The following INSL6 variants were observed in gnomAD, a reference collection of about 807,000 sequenced individuals.
The protein encoded by INSL6 is insulin like 6.
A neutral mutation model predicts 9.4 loss-of-function variants in INSL6; 16 were observed. The observed-to-expected ratio is 1.70, with a 90% CI of 1.15 to 2.59. The LOEUF (loss-of-function observed/expected upper bound fraction) is 2.59, where lower values mean the gene tolerates loss of function less well. INSL6 is among the 30% of genes most tolerant of loss of function. The pLI is 0.00. For missense variants in INSL6, 391 were observed against 257.3 expected (o/e 1.52, Z -3.56); for synonymous variants, 154 against 96.9 (o/e 1.59, Z -3.46).
the INSL6 span, among the ~76,000 whole-genome samples, chr9:5,013,282 C>A: frequency 6.6e-6 from 1 of 152,030 alleles, no homozygotes; most frequent in African/African-American, 2.4e-5. Flanking sequence ...TTCACCTCAC[C>A]ATATTTAGGT....
intron 2 of INSL6, among the ~76,000 whole-genome samples, chr9:5,144,166 G>A (rs1824554578): frequency 6.6e-6 from 1 of 152,102 alleles, no homozygotes; most frequent in Non-Finnish European, 1.5e-5. Flanking sequence ...TTTTAATACT[G>A]CCTTAGCTGT....
At chr9:5,082,106 G>T in the INSL6 span, among the ~76,000 whole-genome samples, 92,378 of 151,838 alleles carry the variant, frequency 0.61, 30,358 homozygotes, top group African/African-American at 0.88. Flanking sequence ...AGAAAAGAAA[G>T]AAGACACAGA....
the INSL6 span, among the ~76,000 whole-genome samples, chr9:5,021,058 T>C: frequency 6.6e-6 from 1 of 152,126 alleles, no homozygotes; most frequent in African/African-American, 2.4e-5. Context: ...GTGTCTGGGA[T>C]TGCAGGAGTT....
the INSL6 span, among the ~76,000 whole-genome samples, chr9:5,088,485 A>G: frequency 6.6e-6 from 1 of 152,200 alleles, no homozygotes; most frequent in Non-Finnish European, 1.5e-5. Flanking sequence ...CAACTTACCA[A>G]TTCTATGTAC....
At chr9:5,006,290 C>CT in the INSL6 span, among the ~76,000 whole-genome samples, 1 of 152,204 alleles carries the variant, frequency 6.6e-6, no homozygotes, top group South Asian at 2.1e-4. Context: ...ATTTGGCTCT[C>CT]TGTGTGTTAT....
chr9:5,072,802 C>T, the INSL6 span, among the ~76,000 whole-genome samples: 3 of 151,886 alleles, frequency 2.0e-5, no homozygotes, highest in African/African-American at 7.3e-5. Context: ...TGAAAATTAC[C>T]GGATTAAAAA....
chr9:5,034,559 A>G, the INSL6 span, among the ~76,000 whole-genome samples: 2 of 152,100 alleles, frequency 1.3e-5, no homozygotes, highest in Non-Finnish European at 2.9e-5. Flanking sequence ...CAGTGCAATC[A>G]AACTAGAACT....
the INSL6 span, among the ~76,000 whole-genome samples, chr9:5,043,216 C>T: frequency 1.3e-5 from 2 of 151,978 alleles, no homozygotes; most frequent in Admixed American, 6.5e-5. Context: ...GTGCCCAGGG[C>T]GGTGGCCGTG....
the INSL6 span, among the ~76,000 whole-genome samples, chr9:5,060,316 C>T: frequency 6.6e-6 from 1 of 152,134 alleles, no homozygotes; most frequent in African/African-American, 2.4e-5. Context: ...TTTACTGCAT[C>T]AGTAGACTCT....
the INSL6 span, chr9:5,089,782 G>C: frequency 1.9e-6 from 3 of 1,600,092 alleles, no homozygotes; most frequent in South Asian, 2.2e-5. Flanking sequence ...GCACCTAAGA[G>C]ACTTTGAAAG....
the INSL6 span, among the ~76,000 whole-genome samples, chr9:4,999,465 A>G: frequency 6.6e-6 from 1 of 152,226 alleles, no homozygotes; most frequent in African/African-American, 2.4e-5. Flanking sequence ...AAAAAAGATT[A>G]CAAATGCTTA....
the INSL6 span, chr9:5,080,400 G>C: frequency 1.3e-6 from 2 of 1,585,838 alleles, no homozygotes; most frequent in South Asian, 2.3e-5. Context: ...TATAGACTAA[G>C]TTAGAATTAC....
the INSL6 span, among the ~76,000 whole-genome samples, chr9:5,088,148 T>A: frequency 5.9e-5 from 9 of 152,212 alleles, no homozygotes; most frequent in South Asian, 1.9e-3. Context: ...TTTTAGGGAG[T>A]TCTGAATTGT....
chr9:5,126,539 A>T (rs745916973), intron 3 of INSL6: 7 of 982,642 alleles, frequency 7.1e-6, no homozygotes, highest in Non-Finnish European at 9.4e-6. Flanking sequence ...TAATGTGCGG[A>T]GCTTCCAGAT....
chr9:5,016,040 T>C, the INSL6 span, among the ~76,000 whole-genome samples: 6 of 152,214 alleles, frequency 3.9e-5, no homozygotes, highest in East Asian at 9.6e-4. Context: ...AGTTTTGCTC[T>C]TGTGGTACAA....
chr9:5,118,329 A>T, the INSL6 span, among the ~76,000 whole-genome samples: 1 of 152,106 alleles, frequency 6.6e-6, no homozygotes, highest in African/African-American at 2.4e-5. Context: ...AATATGTTAC[A>T]CTTTGTATTT....
chr9:5,112,693 G>A, the INSL6 span: 3 of 902,510 alleles, frequency 3.3e-6, no homozygotes, highest in Admixed American at 6.2e-5. Context: ...TCCTGAATTT[G>A]GAGCAGCAAG....
the INSL6 span, chr9:5,073,595 G>A: frequency 1.8e-5 from 15 of 848,920 alleles, no homozygotes; most frequent in Admixed American, 7.4e-5. Context: ...TAGTCATGCT[G>A]AAAGTAGGAG....
At chr9:5,073,520 C>T in the INSL6 span, among the ~76,000 whole-genome samples, 3 of 152,128 alleles carry the variant, frequency 2.0e-5, no homozygotes, top group Non-Finnish European at 2.9e-5. Context: ...CAGGGGTTTC[C>T]TCAGAACGTT....
Sources: gnomAD v4.1 joint callset for allele counts (sites outside exome capture counted in the v4.1 genomes callset) on GRCh38, gnomAD v4.1.1 for gene constraint, MANE v1.5 for transcripts, NCBI Gene and HGNC (gene_info 2026-07-23, HGNC 2026-07-21) for gene names.